TLN2: variants seen among roughly 807,000 people sequenced by gnomAD.
TLN2 encodes talin 2, also known as talin-2.
In TLN2, 118 loss-of-function variants were observed where a neutral mutation model predicts 294.7. The ratio of observed to expected loss-of-function variants is 0.40; its 90% CI spans 0.34 to 0.47. TLN2 has a LOEUF of 0.47. Ranked by LOEUF, TLN2 falls within the 20% of genes least tolerant of loss-of-function variation. The pLI is 0.84. For synonymous variants in TLN2, 1,431 were observed against 1,304.5 expected, an observed-to-expected ratio of 1.10 and a Z score of -2.09; for missense variants, 3,083 against 3,282.2, an observed-to-expected ratio of 0.94 and a Z score of 1.48.
At chr15:62,687,430 A>G (rs895585361) in intron 12 of TLN2, among the ~76,000 whole-genome samples, 1 of 152,230 alleles carries the variant, frequency 6.6e-6, no homozygotes. Context: ...TTAGTATAAA[A>G]TTTATGGAAA....
At chr15:62,525,250 C>T (rs1249601087) in intron 1 of TLN2, among the ~76,000 whole-genome samples, 1 of 152,224 alleles carries the variant, frequency 6.6e-6, no homozygotes, top group Non-Finnish European at 1.5e-5. Flanking sequence ...ATCCACGTGT[C>T]CTCAGGCAAG....
intron 1 of TLN2, among the ~76,000 whole-genome samples, chr15:62,554,619 A>T (rs2042507114): frequency 2.0e-5 from 3 of 152,056 alleles, no homozygotes; most frequent in Admixed American, 2.0e-4. Flanking sequence ...AGAAAAAAAT[A>T]AAAAATACAC....
chr15:62,499,083 C>T (rs2039166140), intron 1 of TLN2, among the ~76,000 whole-genome samples: 1 of 152,010 alleles, frequency 6.6e-6, no homozygotes, highest in Non-Finnish European at 1.5e-5. Flanking sequence ...AACTTGATGA[C>T]AGAATTTTTT....
chr15:62,653,543 G>T (rs970721901), intron 7 of TLN2, among the ~76,000 whole-genome samples: 1 of 152,092 alleles, frequency 6.6e-6, no homozygotes, highest in Non-Finnish European at 1.5e-5. Context: ...GGCCAATATG[G>T]TGAAACCTCA....
chr15:62,565,506 A>G (rs920354722), intron 1 of TLN2, among the ~76,000 whole-genome samples: 4 of 152,188 alleles, frequency 2.6e-5, no homozygotes, highest in African/African-American at 9.7e-5. Flanking sequence ...CTTCGTAATT[A>G]AGTACTCCTG....
intron 1 of TLN2, among the ~76,000 whole-genome samples, chr15:62,485,814 TGCGTGTCCAGTTG>T (rs1463006601): frequency 6.6e-6 from 1 of 152,182 alleles, no homozygotes; most frequent in African/African-American, 2.4e-5. Flanking sequence ...TGAGTTTGGA[TGCGTGTCCAGTTG>T]GCTTGGGAGT....
intron 1 of TLN2, among the ~76,000 whole-genome samples, chr15:62,472,240 ATCTGATAGATC>A (rs1168012063): frequency 2.0e-5 from 3 of 151,984 alleles, no homozygotes; most frequent in Non-Finnish European, 2.9e-5. Flanking sequence ...CACACCACCT[ATCTGATAGATC>A]TCTTTCTTCC....
chr15:62,770,782 A>G (rs1045111404), intron 41 of TLN2, among the ~76,000 whole-genome samples, 182 bp from the exon 42 acceptor site: 2 of 152,216 alleles, frequency 1.3e-5, no homozygotes, highest in Non-Finnish European at 2.9e-5. Flanking sequence ...CCCTGGAGAA[A>G]GTAAAAACCA....
intron 1 of TLN2, among the ~76,000 whole-genome samples, chr15:62,439,715 C>CT (rs1332630107): frequency 6.6e-6 from 1 of 152,152 alleles, no homozygotes; most frequent in Non-Finnish European, 1.5e-5. Context: ...CAGTGACTCT[C>CT]TGATTGTGAA....
chr15:62,665,645 G>C (rs1022586020), intron 9 of TLN2, among the ~76,000 whole-genome samples: 1 of 152,046 alleles, frequency 6.6e-6, no homozygotes, highest in African/African-American at 2.4e-5. Context: ...AGCAACCCAG[G>C]GTATGAATCT....
intron 1 of TLN2, among the ~76,000 whole-genome samples, chr15:62,451,969 G>A (rs2036178731): frequency 1.3e-5 from 2 of 152,192 alleles, no homozygotes; most frequent in South Asian, 4.1e-4. Context: ...GTGTGTGTGT[G>A]TGTACGTGTT....
rs762232623 is a variant in TLN2, at chr15:62,797,346, G to T, written c.6178G>T (p.Ala2060Ser). ...CTCAGCAGCCACCATCACCCAGCTCGCAGAAGTGGTCAAGCTGGGGGCAGC... is the reference window on the plus strand; with the variant it reads ...CTCAGCAGCCACCATCACCCAGCTCTCAGAAGTGGTCAAGCTGGGGGCAGC... Reference protein sequence around the residue: ...QSSAATITQLAEVVKLGAASL... With the variant: ...QSSAATITQLSEVVKLGAASL... Residue 2060 changes from alanine (A) to serine (S), a missense_variant, in exon 48 of 59, where the codon GCA becomes TCA. Ala to Ser is a moderately conservative substitution (Grantham distance 99). Coordinates refer to ENST00000636159, the MANE Select transcript of TLN2 (RefSeq NM_015059.3). The T allele has an allele frequency of 1.2e-6, 2 of 1,613,272 alleles. No individual in the cohort carries two copies. The highest frequency in any genetic ancestry group is 2.2e-5 in the East Asian group (1 of 44,874).
At chr15:62,598,190 A>C (rs2046696732) in intron 2 of TLN2, among the ~76,000 whole-genome samples, 1 of 152,186 alleles carries the variant, frequency 6.6e-6, no homozygotes, top group African/African-American at 2.4e-5. Flanking sequence ...TTCACACACA[A>C]AGAAGTTAGA....
chr15:62,532,192 A>G (rs1479017814), intron 1 of TLN2, among the ~76,000 whole-genome samples: 2 of 151,936 alleles, frequency 1.3e-5, no homozygotes, highest in African/African-American at 4.8e-5. Flanking sequence ...TGGGACCACA[A>G]ACACTTGCCA....
chr15:62,765,925 A>G (rs1191420332), intron 40 of TLN2, among the ~76,000 whole-genome samples: 2 of 152,210 alleles, frequency 1.3e-5, no homozygotes, highest in African/African-American at 4.8e-5. Flanking sequence ...AGTTCTGAGA[A>G]TACAGTGACC....
intron 10 of TLN2, 77 bp downstream of exon 10, chr15:62,673,967 A>C: frequency 8.5e-7 from 1 of 1,177,560 alleles, no homozygotes; most frequent in Non-Finnish European, 1.2e-6. Context: ...GCCTCTGCGC[A>C]TGGTAGTTTT....
rs189200631 is a variant in TLN2, at chr15:62,464,598, C to A, written c.-238+73913C>A. Among the ~76,000 whole-genome samples the A allele has an allele frequency of 3.2e-3, 484 of 151,966 alleles. 1 individual carries two copies. The highest frequency in any genetic ancestry group is 0.02 in the Middle Eastern group (6 of 294). On this transcript the variant is annotated intron_variant, in intron 1 of 58. Coordinates refer to ENST00000636159, the MANE Select transcript of TLN2 (RefSeq NM_015059.3). ...TAAAAAAAAAAAAGTTAATCTGACA[C>A]CTGACTTGTGAGAGGTAATTAGCCA...
At chr15:62,456,245 C>T (rs1306154613) in intron 1 of TLN2, among the ~76,000 whole-genome samples, 3 of 152,100 alleles carry the variant, frequency 2.0e-5, no homozygotes, top group Non-Finnish European at 2.9e-5. Flanking sequence ...TCTTTTTGTC[C>T]TTTTCTGTAA....
chr15:62,592,708 CTT>C (rs1351459860), intron 2 of TLN2, among the ~76,000 whole-genome samples: 5 of 152,200 alleles, frequency 3.3e-5, no homozygotes, highest in Non-Finnish European at 7.3e-5. Context: ...GCTCTTGAGT[CTT>C]TCACAAGGCT....
Sources: gnomAD v4.1 joint callset for allele counts (sites outside exome capture counted in the v4.1 genomes callset) on GRCh38, gnomAD v4.1.1 for gene constraint, MANE v1.5 for transcripts, NCBI Gene and HGNC (gene_info 2026-07-23, HGNC 2026-07-21) for gene names.